DENND1A: variants seen among roughly 807,000 people sequenced by gnomAD.
DENND1A encodes DENN domain-containing protein 1A.
A neutral mutation model predicts 113.7 loss-of-function variants in DENND1A; 51 were observed. The observed-to-expected ratio is 0.45, with a 90% CI of 0.36 to 0.57. The LOEUF (loss-of-function observed/expected upper bound fraction) is 0.57, where lower values mean the gene tolerates loss of function less well. Ranked by LOEUF, DENND1A falls within the 20% of genes least tolerant of loss-of-function variation. The probability of loss-of-function intolerance (pLI) is 0.00; values close to 1 mark genes in which losing one functional copy is unlikely to be tolerated. For missense variants in DENND1A, 1,258 were observed against 1,395.9 expected, an observed-to-expected ratio of 0.90 and a Z score of 1.57; for synonymous variants, 565 against 570.8, an observed-to-expected ratio of 0.99 and a Z score of 0.14.
chr9:123,454,715 G>T (rs1258416022), intron 16 of DENND1A, 24 bp downstream of exon 16: 32 of 1,552,672 alleles, frequency 2.1e-5, no homozygotes, highest in Non-Finnish European at 2.7e-5. Context: ...AGTCCAGGGG[G>T]CTCTGAATTG....
chr9:123,750,035 A>G (rs1315738874), intron 5 of DENND1A, among the ~76,000 whole-genome samples: 1 of 152,172 alleles, frequency 6.6e-6, no homozygotes, highest in African/African-American at 2.4e-5. Flanking sequence ...AAGAATCAGG[A>G]GGAGAAAGGG....
At chr9:123,714,549 C>T (rs2066849920) in intron 5 of DENND1A, among the ~76,000 whole-genome samples, 1 of 152,196 alleles carries the variant, frequency 6.6e-6, no homozygotes, top group Middle Eastern at 3.4e-3. Flanking sequence ...TTGCAGTGAG[C>T]CAAGAACATG....
intron 8 of DENND1A, among the ~76,000 whole-genome samples, chr9:123,654,937 C>G (rs1423133098): frequency 6.6e-6 from 1 of 152,230 alleles, no homozygotes; most frequent in African/African-American, 2.4e-5. Flanking sequence ...CATCAAGCCT[C>G]AGTTCAGAAG....
At chr9:123,410,927 C>T (rs1486144481) in intron 20 of DENND1A, among the ~76,000 whole-genome samples, 1 of 152,108 alleles carries the variant, frequency 6.6e-6, no homozygotes, top group African/African-American at 2.4e-5. Context: ...CATGCCTCAG[C>T]ATGGCCGGAG....
intron 8 of DENND1A, among the ~76,000 whole-genome samples, chr9:123,652,648 G>A (rs1030250347): frequency 4.6e-5 from 7 of 152,108 alleles, no homozygotes; most frequent in African/African-American, 7.2e-5. Context: ...AAGGCCAGGC[G>A]AGCTCCTCTC....
intron 16 of DENND1A, among the ~76,000 whole-genome samples, chr9:123,452,676 A>T (rs1253084160): frequency 6.6e-6 from 1 of 152,086 alleles, no homozygotes. Flanking sequence ...GGGCTTCCCT[A>T]TGGGCATCTG....
chr9:123,527,438 T>G (rs2054932892), intron 13 of DENND1A, among the ~76,000 whole-genome samples: 1 of 152,178 alleles, frequency 6.6e-6, no homozygotes, highest in Non-Finnish European at 1.5e-5. Flanking sequence ...TCTGATCTGG[T>G]CCAAGACTGC....
chr9:123,830,873 G>GAAAAAAAAAAA (rs71390447), intron 2 of DENND1A, among the ~76,000 whole-genome samples: 4 of 39,310 alleles, frequency 1.0e-4, no homozygotes, highest in East Asian at 9.1e-4. Flanking sequence ...TCTCAAAAAT[G>GAAAAAAAAAAA]AAAAAAAAAA....
chr9:123,548,579 C>T (rs2135807294), intron 13 of DENND1A, among the ~76,000 whole-genome samples: 1 of 152,324 alleles, frequency 6.6e-6, no homozygotes, highest in South Asian at 2.1e-4. Flanking sequence ...AGCCAAATGA[C>T]TTGCAAGCAG....
intron 13 of DENND1A, among the ~76,000 whole-genome samples, chr9:123,490,345 G>A (rs1303963205): frequency 6.6e-6 from 1 of 152,154 alleles, no homozygotes; most frequent in Non-Finnish European, 1.5e-5. Context: ...CAGCACAGTC[G>A]GAGGCGGAGG....
chr9:123,595,620 C>A (rs562323862), intron 11 of DENND1A, among the ~76,000 whole-genome samples: 6 of 152,270 alleles, frequency 3.9e-5, no homozygotes, highest in African/African-American at 1.4e-4. Flanking sequence ...AGGCTGGGGT[C>A]CTGGCCTTTT....
At chr9:123,841,435 G>C (rs1479068033) in intron 2 of DENND1A, among the ~76,000 whole-genome samples, 2 of 152,096 alleles carry the variant, frequency 1.3e-5, no homozygotes, top group Admixed American at 1.3e-4. Context: ...TTCAGTGTTT[G>C]TTCATTCCAT....
intron 2 of DENND1A, among the ~76,000 whole-genome samples, chr9:123,813,847 C>T (rs759832980): frequency 9.2e-5 from 14 of 152,190 alleles, no homozygotes; most frequent in Non-Finnish European, 1.5e-4. Context: ...CACAATCTCA[C>T]ATCAGTTTTC....
chr9:123,543,584 C>T (rs1010306672), intron 13 of DENND1A, among the ~76,000 whole-genome samples: 1 of 152,216 alleles, frequency 6.6e-6, no homozygotes, highest in African/African-American at 2.4e-5. Context: ...AGCCACGCTC[C>T]TTCTGTCCCT....
intron 1 of DENND1A, among the ~76,000 whole-genome samples, chr9:123,913,826 A>T (rs1303556186): frequency 6.7e-6 from 1 of 148,774 alleles, no homozygotes; most frequent in African/African-American, 2.5e-5. Flanking sequence ...AATCGCTTGA[A>T]CTCGGGAGGC....
At chr9:123,785,811 T>C (rs2799466) in intron 3 of DENND1A, among the ~76,000 whole-genome samples, 18,284 of 152,108 alleles carry the variant, frequency 0.12, 1,432 homozygotes, top group African/African-American at 0.22. Context: ...GATGAAAAAA[T>C]TACATTTCCA....
At chr9:123,801,939 C>A (rs1332128515) in intron 2 of DENND1A, among the ~76,000 whole-genome samples, 2 of 152,154 alleles carry the variant, frequency 1.3e-5, no homozygotes, top group Non-Finnish European at 2.9e-5. Context: ...ATAAATGTGA[C>A]CAATTGTATA....
intron 13 of DENND1A, among the ~76,000 whole-genome samples, chr9:123,495,005 T>A (rs2051738407): frequency 2.0e-5 from 3 of 152,180 alleles, no homozygotes; most frequent in African/African-American, 7.2e-5. Context: ...TTGCCCAGGC[T>A]GGTCTTGAAC....
At chr9:123,757,949 T>C in intron 4 of DENND1A, 127 bp from the exon 5 acceptor site, 2 of 1,149,566 alleles carry the variant, frequency 1.7e-6, no homozygotes, top group Non-Finnish European at 2.3e-6. Context: ...AATTTACACA[T>C]TTCAAGGGAA....
Sources: allele counts gnomAD v4.1 joint callset (sites outside exome capture counted in the v4.1 genomes callset), GRCh38; gene constraint gnomAD v4.1.1; transcripts MANE v1.5; gene names NCBI Gene and HGNC (gene_info 2026-07-23, HGNC 2026-07-21).